GLO1: variants seen among roughly 807,000 people sequenced by gnomAD.
GLO1 encodes the protein lactoylglutathione lyase.
GLO1 carries 28 observed loss-of-function variants against 26.0 expected under a neutral mutation model. The observed-to-expected ratio is 1.08, with a 90% CI of 0.80 to 1.48. The LOEUF (loss-of-function observed/expected upper bound fraction) is 1.48, where lower values mean the gene tolerates loss of function less well. Ranked by LOEUF, GLO1 falls within the 40% of genes most tolerant of loss-of-function variation. The pLI, the probability that GLO1 is intolerant of heterozygous loss-of-function variation, is 0.00. For missense variants in GLO1, 225 were observed against 224.8 expected, an observed-to-expected ratio of 1.00 and a Z score of -0.01; for synonymous variants, 78 against 77.6, an observed-to-expected ratio of 1.00 and a Z score of -0.03.
intron 1 of GLO1, among the ~76,000 whole-genome samples, chr6:38,693,932 G>A (rs963018680): frequency 4.0e-5 from 6 of 151,712 alleles, no homozygotes; most frequent in Non-Finnish European, 7.4e-5. Flanking sequence ...GGATGGTCTC[G>A]ATCTCCTGAC....
At chr6:38,686,041 A>G (rs1405069439) in intron 2 of GLO1, among the ~76,000 whole-genome samples, 1 of 152,242 alleles carries the variant, frequency 6.6e-6, no homozygotes, top group Non-Finnish European at 1.5e-5. Flanking sequence ...AGTGTTCAAT[A>G]AATCTGTTTT....
chr6:38,679,632 C>T (rs1339785352), intron 5 of GLO1, among the ~76,000 whole-genome samples: 2 of 151,758 alleles, frequency 1.3e-5, no homozygotes, highest in Non-Finnish European at 2.9e-5. Context: ...CCTGTCTCTA[C>T]AAAAAATAAA....
At chr6:38,677,509 C>T (rs1761272256) in intron 5 of GLO1, 126 bp from the exon 6 acceptor site, 1 of 617,418 alleles carries the variant, frequency 1.6e-6, no homozygotes, top group South Asian at 1.9e-5. Flanking sequence ...GATCATGGCC[C>T]AAGGCAGGCT....
intron 5 of GLO1, among the ~76,000 whole-genome samples, chr6:38,681,265 T>C (rs975646386): frequency 6.6e-6 from 1 of 152,170 alleles, no homozygotes; most frequent in African/African-American, 2.4e-5. Flanking sequence ...GGTTTCACCA[T>C]GTTAGCCCAG....
intron 5 of GLO1, among the ~76,000 whole-genome samples, chr6:38,679,663 C>G (rs1377280987): frequency 6.6e-6 from 1 of 151,914 alleles, no homozygotes; most frequent in African/African-American, 2.4e-5. Context: ...TACATGGTGG[C>G]ATTTGCCTGT....
intron 1 of GLO1, among the ~76,000 whole-genome samples, chr6:38,699,491 C>G (rs992864707): frequency 1.3e-5 from 2 of 152,064 alleles, no homozygotes; most frequent in East Asian, 3.9e-4. Flanking sequence ...CCTGAGGGGT[C>G]GGACAAAAAG....
chr6:38,690,433 T>G (rs932865810), intron 1 of GLO1, among the ~76,000 whole-genome samples: 3 of 152,164 alleles, frequency 2.0e-5, no homozygotes, highest in African/African-American at 7.2e-5. Flanking sequence ...GAAAAACATT[T>G]AAAATGCTGC....
chr6:38,692,057 C>G (rs1194435380), intron 1 of GLO1, among the ~76,000 whole-genome samples: 2 of 150,810 alleles, frequency 1.3e-5, no homozygotes, highest in Non-Finnish European at 2.9e-5. Context: ...AGTTTTTTTG[C>G]CTTTCAATCT....
At chr6:38,693,675 C>CTA (rs755821947) in intron 1 of GLO1, among the ~76,000 whole-genome samples, 6 of 105,328 alleles carry the variant, frequency 5.7e-5, no homozygotes, top group East Asian at 5.7e-4. Flanking sequence ...CTCTCTCTCT[C>CTA]TCTCTCTCTC....
chr6:38,682,495 A>C (rs1761396640), intron 4 of GLO1, among the ~76,000 whole-genome samples: 1 of 152,156 alleles, frequency 6.6e-6, no homozygotes, highest in African/African-American at 2.4e-5. Flanking sequence ...ATCAAGGCAG[A>C]AGTGTATGTG....
At chr6:38,691,811 A>G (rs888319453) in intron 1 of GLO1, among the ~76,000 whole-genome samples, 1 of 152,034 alleles carries the variant, frequency 6.6e-6, no homozygotes, top group Non-Finnish European at 1.5e-5. Flanking sequence ...AGGATGTCCA[A>G]TTGCTTCAGC....
intron 1 of GLO1, among the ~76,000 whole-genome samples, chr6:38,702,133 G>A (rs1400826769): frequency 7.2e-5 from 11 of 151,998 alleles, no homozygotes; most frequent in African/African-American, 1.4e-4. Context: ...GGGTTTCACC[G>A]TGTTAGGATG....
chr6:38,700,783 G>GTTTT (rs34141605), intron 1 of GLO1, among the ~76,000 whole-genome samples: 6 of 139,292 alleles, frequency 4.3e-5, no homozygotes, highest in Non-Finnish European at 7.8e-5. Context: ...TTCATTGAGG[G>GTTTT]TTTTTTTTTT....
At chr6:38,696,132 A>C (rs1761607775) in intron 1 of GLO1, among the ~76,000 whole-genome samples, 1 of 151,512 alleles carries the variant, frequency 6.6e-6, no homozygotes, top group African/African-American at 2.4e-5. Context: ...AATTTTATAC[A>C]ACTGCCTCCC....
At chr6:38,702,903 G>T in intron 1 of GLO1, 68 bp downstream of exon 1, 3 of 884,770 alleles carry the variant, frequency 3.4e-6, no homozygotes, top group East Asian at 2.6e-5. Context: ...GGATGGGGTT[G>T]GATAGAATGC....
chr6:38,683,541 A>C (rs1344903838), intron 3 of GLO1, among the ~76,000 whole-genome samples: 5 of 152,232 alleles, frequency 3.3e-5, no homozygotes, highest in Non-Finnish European at 5.9e-5. Context: ...AATTAGTTAG[A>C]GACAAACAGG....
rs34080103 is a variant in GLO1 at position 38,698,657 on chromosome 6, C to CTTTTT, written c.84+4309_84+4313dup. Among the ~76,000 whole-genome samples, 50 of 110,014 alleles carry CTTTTT rather than the reference C, an allele frequency of 4.5e-4. 1 individual carries two copies. Among genetic ancestry groups the CTTTTT allele is most frequent in the African/African-American group, 1.6e-3 (46 of 28,032 alleles). 72.2% of individuals were successfully genotyped at this position (110,014 alleles called of 152,430 possible). On this transcript the variant is annotated intron_variant, in intron 1 of 5. Coordinates refer to ENST00000373365, the MANE Select transcript of GLO1 (RefSeq NM_006708.3). ...TCACTACTTGGAAGGAGAACCTGAC[C>CTTTTT]TTTTTTTTTTTTTTTTTTTTGAGAC...
chr6:38,679,420 A>G (rs1296604138), intron 5 of GLO1, among the ~76,000 whole-genome samples: 1 of 152,110 alleles, frequency 6.6e-6, no homozygotes, highest in African/African-American at 2.4e-5. Flanking sequence ...GAACCTCCCA[A>G]TCCTCTGCCT....
intron 5 of GLO1, 80 bp from the exon 6 acceptor site, chr6:38,677,463 G>T (rs572905561): frequency 4.5e-5 from 33 of 726,224 alleles, no homozygotes; most frequent in Non-Finnish European, 7.3e-5. Flanking sequence ...TTGAGACAAG[G>T]TCTTGCTCTG....
Sources: allele counts gnomAD v4.1 joint callset (sites outside exome capture counted in the v4.1 genomes callset), GRCh38; gene constraint gnomAD v4.1.1; transcripts MANE v1.5; gene names NCBI Gene and HGNC (gene_info 2026-07-23, HGNC 2026-07-21).